The following ZFHX3 variants were observed in gnomAD, a reference collection of about 807,000 sequenced individuals.
ZFHX3 encodes the protein zinc finger homeobox protein 3.
In ZFHX3, 42 loss-of-function variants were observed where a neutral mutation model predicts 279.1. The observed-to-expected ratio is 0.15, with a 90% CI of 0.12 to 0.19. The LOEUF (loss-of-function observed/expected upper bound fraction) is 0.19, where lower values mean the gene tolerates loss of function less well. Ranked by LOEUF, ZFHX3 falls within the 10% of genes least tolerant of loss-of-function variation. The pLI is 1.00. For synonymous variants in ZFHX3, 2,293 were observed against 1,957.8 expected, an observed-to-expected ratio of 1.17 and a Z score of -4.52; for missense variants, 4,981 against 4,754.0, an observed-to-expected ratio of 1.05 and a Z score of -1.40.
At chr16:73,062,748 C>A (rs897881000), upstream of ZFHX3, among the ~76,000 whole-genome samples, 1 of 151,536 alleles carries the variant, frequency 6.6e-6, no homozygotes. Context: ...AAAAAGAAAA[C>A]CCCGTGTGGA....
intron 3 of ZFHX3, among the ~76,000 whole-genome samples, chr16:72,902,565 C>A (rs915491858): frequency 1.3e-5 from 2 of 152,238 alleles, no homozygotes; most frequent in Non-Finnish European, 1.5e-5. Context: ...TAACAGAAAA[C>A]AACATGGTAC....
intron 3 of ZFHX3, among the ~76,000 whole-genome samples, chr16:72,891,005 G>A (rs902056582): frequency 6.6e-6 from 1 of 152,234 alleles, no homozygotes; most frequent in Non-Finnish European, 1.5e-5. Context: ...CCCTAGGTCA[G>A]GAACATGGAG....
intron 8 of ZFHX3, among the ~76,000 whole-genome samples, chr16:73,088,260 C>T (rs1483296890): frequency 2.6e-5 from 4 of 152,118 alleles, no homozygotes; most frequent in Non-Finnish European, 4.4e-5. Flanking sequence ...ATCCTTCCAC[C>T]TCAGCCCTCT....
At chr16:72,983,267 C>A (rs1359002195) in intron 1 of ZFHX3, among the ~76,000 whole-genome samples, 2 of 152,086 alleles carry the variant, frequency 1.3e-5, no homozygotes, top group South Asian at 2.1e-4. Context: ...AGCATTAATG[C>A]GGAAAACAAA....
Position 73,221,496 on chromosome 16 carries a change from A to C in ZFHX3, c.-1104+35551T>G, listed in dbSNP as rs1026431606. The stretch of plus-strand genomic sequence containing the variant: ...AACCTCTTAAAAAATCACATATCAC[A>C]TTGGGTACAGTGTACACAGCTCAGG... On this transcript the variant is annotated intron_variant, in intron 5 of 17. Coordinates refer to the ZFHX3 transcript ENST00000641206. Among the ~76,000 whole-genome samples, 25 of 152,240 alleles carry C rather than the reference A, an allele frequency of 1.6e-4. 1 individual carries two copies. Among genetic ancestry groups the C allele is most frequent in the Admixed American group, 1.1e-3 (17 of 15,288 alleles).
intron 4 of ZFHX3, among the ~76,000 whole-genome samples, chr16:72,830,652 G>A (rs917265700): frequency 1.3e-5 from 2 of 152,192 alleles, no homozygotes; most frequent in African/African-American, 4.8e-5. Flanking sequence ...GCCAACGCTA[G>A]GCTGCTTATG....
At chr16:72,874,514 C>CTAAA (rs1886157709) in intron 4 of ZFHX3, among the ~76,000 whole-genome samples, 1 of 151,574 alleles carries the variant, frequency 6.6e-6, no homozygotes. Context: ...GAGGAGCCAT[C>CTAAA]TTTAGACCAT....
At chr16:73,660,219 A>C (rs1254526267) in intron 2 of ZFHX3, among the ~76,000 whole-genome samples, 1 of 152,228 alleles carries the variant, frequency 6.6e-6, no homozygotes, top group Non-Finnish European at 1.5e-5. Context: ...ATAGTTCAAT[A>C]AAAAGCTTTT....
exon 1 of ZFHX3, chr16:73,058,918 A>AGGC (rs532710699): frequency 0.052 from 7,926 of 151,290 alleles, 256 homozygotes; most frequent in Non-Finnish European, 0.071. Context: ...GATGCAAAGC[A>AGGC]GGCGGCGGCG....
intron 2 of ZFHX3, among the ~76,000 whole-genome samples, chr16:73,600,788 G>C (rs578163566): frequency 5.9e-5 from 9 of 152,132 alleles, no homozygotes; most frequent in African/African-American, 1.9e-4. Context: ...GTCAACATAG[G>C]CTTAGCCTAC....
At chr16:73,804,915 G>GAGGGAGAGGGAGGGAGGGAGA (rs1213343893) in intron 1 of ZFHX3, among the ~76,000 whole-genome samples, 2,300 of 118,760 alleles carry the variant, frequency 0.019, 70 homozygotes, top group African/African-American at 0.086. Context: ...GGGAGGGAGG[G>GAGGGAGAGGGAGGGAGGGAGA]GAGGGAGAGG....
chr16:72,921,020 T>C (rs1175327422), intron 3 of ZFHX3, among the ~76,000 whole-genome samples: 1 of 134,992 alleles, frequency 7.4e-6, no homozygotes, highest in African/African-American at 2.9e-5. Context: ...TACAGTGAAC[T>C]GTGATCCCGC....
At chr16:73,596,498 A>G (rs1244063940) in intron 2 of ZFHX3, among the ~76,000 whole-genome samples, 2 of 150,554 alleles carry the variant, frequency 1.3e-5, no homozygotes, top group Non-Finnish European at 3.0e-5. Context: ...CCCACCCACC[A>G]CTCTTCCTCC....
chr16:73,427,611 C>A (rs2017833540), intron 3 of ZFHX3, among the ~76,000 whole-genome samples: 1 of 152,102 alleles, frequency 6.6e-6, no homozygotes, highest in Non-Finnish European at 1.5e-5. Context: ...CCAGCCCTAC[C>A]AGCAGCAACA....
At chr16:73,817,385 G>T (rs566633522) in intron 1 of ZFHX3, among the ~76,000 whole-genome samples, 3 of 152,150 alleles carry the variant, frequency 2.0e-5, no homozygotes, top group Non-Finnish European at 4.4e-5. Flanking sequence ...GCTCTGGCAG[G>T]TCAATATCCT....
chr16:73,202,820 C>A (rs2011656127), intron 5 of ZFHX3, among the ~76,000 whole-genome samples: 1 of 152,070 alleles, frequency 6.6e-6, no homozygotes, highest in South Asian at 2.1e-4. Flanking sequence ...CATGACCATC[C>A]CACCCACCTT....
intron 1 of ZFHX3, among the ~76,000 whole-genome samples, chr16:73,846,147 C>T (rs1961443169): frequency 6.6e-6 from 1 of 152,286 alleles, no homozygotes; most frequent in East Asian, 1.9e-4. Context: ...CTGTACTTGG[C>T]AGCGGTGGTT....
chr16:73,045,958 T>C (rs1965284734), intron 1 of ZFHX3, among the ~76,000 whole-genome samples: 1 of 152,072 alleles, frequency 6.6e-6, no homozygotes, highest in Admixed American at 6.6e-5. Context: ...AACACTTGTG[T>C]AATTAAATAA....
chr16:73,411,229 C>T (rs1411585968), intron 3 of ZFHX3, among the ~76,000 whole-genome samples: 2 of 152,138 alleles, frequency 1.3e-5, no homozygotes, highest in East Asian at 3.9e-4. Context: ...CAGTCCTTGG[C>T]CAAAAATGTC....
Sources: gnomAD v4.1 joint callset for allele counts (sites outside exome capture counted in the v4.1 genomes callset) on GRCh38, gnomAD v4.1.1 for gene constraint, MANE v1.5 for transcripts, NCBI Gene and HGNC (gene_info 2026-07-23, HGNC 2026-07-21) for gene names.